Variants in GTF2A1 observed in about 807,000 individuals in gnomAD.
GTF2A1 encodes transcription initiation factor IIA subunit 1.
A neutral mutation model predicts 54.1 loss-of-function variants in GTF2A1; 12 were observed. The ratio of observed to expected loss-of-function variants is 0.22; its 90% CI spans 0.14 to 0.36. The LOEUF is 0.36. Ranked by LOEUF, GTF2A1 falls within the 10% of genes least tolerant of loss-of-function variation. GTF2A1 has a pLI of 1.00. For synonymous variants in GTF2A1, 145 were observed against 152.0 expected (o/e 0.95, Z 0.34); for missense variants, 335 against 442.2 (o/e 0.76, Z 2.17).
rs577453656 is a variant in GTF2A1, at chr14:81,179,515, C to T, written c.*708G>A. On this transcript the variant is annotated 3_prime_UTR_variant, in exon 9 of 9. Coordinates refer to ENST00000553612, the MANE Select transcript of GTF2A1 (RefSeq NM_015859.4). The stretch of plus-strand genomic sequence containing the variant: ...AAGTTGTGGTTTCAATTCCACTGAA[C>T]TCAGACAAGACCCAAGTCTTTAATT... 6.6e-6 allele frequency: 1 copy of T among 152,268 alleles called. No individual in the cohort carries two copies. The highest frequency in any genetic ancestry group is 2.4e-5 in the African/African-American group (1 of 41,560). The allele number at this position is 152,268 out of a possible 1,614,324, so 9.4% of individuals were successfully genotyped here.
At chr14:81,209,975 A>G (rs1893324383) in intron 2 of GTF2A1, 1 of 915,042 alleles carries the variant, frequency 1.1e-6, no homozygotes, top group South Asian at 1.4e-5. Flanking sequence ...ATTGTCTTCT[A>G]GAATACTGTT....
intron 2 of GTF2A1, among the ~76,000 whole-genome samples, chr14:81,209,401 CTTTT>C (rs1469252830): frequency 6.6e-6 from 1 of 152,164 alleles, no homozygotes; most frequent in Non-Finnish European, 1.5e-5. Context: ...CCAATTAAAC[CTTTT>C]TTTGTTTCCA....
intron 1 of GTF2A1, among the ~76,000 whole-genome samples, chr14:81,219,684 GGT>G (rs1893571050): frequency 6.6e-6 from 1 of 152,192 alleles, no homozygotes; most frequent in Non-Finnish European, 1.5e-5. Context: ...ACACTGCGTT[GGT>G]GACTGAAAAG....
chr14:81,192,917 T>A, intron 6 of GTF2A1, 78 bp from the exon 7 acceptor site: 1 of 828,252 alleles, frequency 1.2e-6, no homozygotes, highest in Non-Finnish European at 1.9e-6. Context: ...AACAAATGCT[T>A]AAGATTCACC....
Position 81,220,682 on chromosome 14 carries a change from G to C in GTF2A1, c.-164C>G, listed in dbSNP as rs1052191991. 8 of 396,642 alleles carry C rather than the reference G, an allele frequency of 2.0e-5. No homozygotes were observed. The highest frequency in any genetic ancestry group is 3.5e-5 in the Non-Finnish European group (8 of 225,438). 24.6% of individuals were successfully genotyped at this position (396,642 alleles called of 1,614,324 possible). The stretch of plus-strand genomic sequence containing the variant: ...TCCTGAAGGAGTAGGGGAGAGCGGA[G>C]AGAGGAGGAGGAGGGGGGCACTCCT... On this transcript the variant is annotated 5_prime_UTR_variant, in exon 1 of 9. Coordinates refer to ENST00000553612, the MANE Select transcript of GTF2A1 (RefSeq NM_015859.4).
chr14:81,203,785 G>A (rs1893165845), intron 3 of GTF2A1, 115 bp downstream of exon 3: 3 of 815,130 alleles, frequency 3.7e-6, no homozygotes, highest in Admixed American at 4.4e-5. Flanking sequence ...TTTATTTTTA[G>A]GTTCTCCATG....
intron 1 of GTF2A1, among the ~76,000 whole-genome samples, chr14:81,219,328 A>T (rs1053845666): frequency 2.6e-5 from 4 of 152,184 alleles, no homozygotes; most frequent in African/African-American, 9.7e-5. Context: ...TTGCCTCGGG[A>T]GCACGCACCT....
At chr14:81,200,047 T>G (rs1893069663) in intron 4 of GTF2A1, among the ~76,000 whole-genome samples, 1 of 152,050 alleles carries the variant, frequency 6.6e-6, no homozygotes, top group Admixed American at 6.5e-5. Flanking sequence ...AGGCATGAAA[T>G]TTTTTATTTT....
rs576653405 is a variant in GTF2A1 at position 81,180,377 on chromosome 14, CAG to C, written c.1024-49_1024-48del. On this transcript the variant is annotated intron_variant, in intron 8 of 8. Coordinates refer to ENST00000553612, the MANE Select transcript of GTF2A1 (RefSeq NM_015859.4). ...AAAATTGAGAGATACAATCAGAAAA[CAG>C]AGAAAACAAGTAACAAAAAACCCAT... 8.5e-4 allele frequency: 704 copies of C among 830,926 alleles called. 9 individuals carry two copies. The South Asian group carries it at 9.7e-3, about 11-fold the overall frequency. The allele number at this position is 830,926 out of a possible 1,614,324, so 51.5% of individuals were successfully genotyped here.
At position 81,220,591 on chromosome 14, in the gene GTF2A1, A is replaced by C. The variant is rs1893611486; in HGVS notation, c.-73T>G. 3 of 1,195,280 alleles carry C rather than the reference A, an allele frequency of 2.5e-6. No individual in the cohort carries two copies. The highest frequency in any genetic ancestry group is 5.5e-5 in the East Asian group (2 of 36,374). The allele number at this position is 1,195,280 out of a possible 1,614,324, so 74.0% of individuals were successfully genotyped here. A position where few individuals can be genotyped will look rare whatever the true frequency, so the allele number is the denominator to read the frequency against. ...TAAAAACAAAACCAAAAAAAAAAAA[A>C]CTATAACACCCGGAGGGTGACCCAA... On this transcript the variant is annotated 5_prime_UTR_variant, in exon 1 of 9. Transcript: ENST00000553612.
chr14:81,208,100 A>G (rs978519530), intron 2 of GTF2A1, among the ~76,000 whole-genome samples: 2 of 152,180 alleles, frequency 1.3e-5, no homozygotes, highest in South Asian at 2.1e-4. Context: ...CCATGGGGAA[A>G]ATGTCTCCAG....
chr14:81,196,474 A>G (rs373910931), intron 5 of GTF2A1, among the ~76,000 whole-genome samples: 1 of 152,194 alleles, frequency 6.6e-6, no homozygotes, highest in African/African-American at 2.4e-5. Context: ...TTACATCCTC[A>G]TTCAGCTATT....
rs577528848 is a variant in GTF2A1 at position 81,194,338 on chromosome 14, A to G, written c.613-1499T>C. Among the ~76,000 whole-genome samples, 31 of 152,376 alleles carry G rather than the reference A, an allele frequency of 2.0e-4. 1 individual carries two copies. The South Asian group carries it at 5.4e-3, about 26-fold the overall frequency. ...GGAAAAATTGTCTTCTGCAAAAACC[A>G]GTCCCTGGTGTCAAAAAGCTAAGAG... On this transcript the variant is annotated intron_variant, in intron 6 of 8. Transcript: ENST00000553612.
chr14:81,201,581 TTCTGAG>T lies in GTF2A1; in HGVS notation c.402+7_402+12del. On this transcript the variant is annotated splice_region_variant and intron_variant, in intron 4 of 8. Transcript: ENST00000553612. Reference sequence around the variant, plus strand: ...AAGTACAGCCAATCAAACTGCTACATTCTGAGTCTTACCATGTTTGATGCATTCATA... The same window carrying T: ...AAGTACAGCCAATCAAACTGCTACATTCTTACCATGTTTGATGCATTCATA... 1 of 1,506,300 alleles carries T rather than the reference TTCTGAG, an allele frequency of 6.6e-7. No individual in the cohort carries two copies. Among genetic ancestry groups the T allele is most frequent in the Non-Finnish European group, 9.2e-7 (1 of 1,082,152 alleles). 93.3% of individuals were successfully genotyped at this position (1,506,300 alleles called of 1,614,324 possible).
intron 8 of GTF2A1, among the ~76,000 whole-genome samples, chr14:81,183,372 A>G (rs1476031494): frequency 2.0e-5 from 3 of 152,236 alleles, no homozygotes; most frequent in Admixed American, 6.5e-5. Flanking sequence ...GAAAGTGATG[A>G]GTAGCCAGGA....
chr14:81,202,910 C>G (rs1370624233), intron 3 of GTF2A1: 1 of 406,872 alleles, frequency 2.5e-6, no homozygotes, highest in Non-Finnish European at 4.8e-6. Context: ...CACTAGATAT[C>G]AACAGTAAAA....
intron 4 of GTF2A1, 58 bp downstream of exon 4, chr14:81,201,536 T>G: frequency 9.9e-7 from 1 of 1,007,400 alleles, no homozygotes; most frequent in East Asian, 2.4e-5. Context: ...ATAGGCATAA[T>G]TACAATGTGG....
intron 7 of GTF2A1, among the ~76,000 whole-genome samples, chr14:81,188,588 A>G (rs1432779806): frequency 2.6e-5 from 4 of 151,704 alleles, no homozygotes; most frequent in Non-Finnish European, 4.4e-5. Context: ...TGGCTAACAC[A>G]GTGAAACCCC....
intron 3 of GTF2A1, 35 bp from the exon 4 acceptor site, chr14:81,201,693 C>T (rs754825411): frequency 1.4e-6 from 2 of 1,429,814 alleles, no homozygotes; most frequent in South Asian, 2.3e-5. Context: ...AAACAAGGAA[C>T]CATGAGGCTA....
Sources: gnomAD v4.1 joint callset for allele counts (sites outside exome capture counted in the v4.1 genomes callset) on GRCh38, gnomAD v4.1.1 for gene constraint, MANE v1.5 for transcripts, NCBI Gene and HGNC (gene_info 2026-07-23, HGNC 2026-07-21) for gene names.